Variants in CCNB1IP1 observed in about 807,000 individuals in gnomAD.
The protein encoded by CCNB1IP1 is E3 ubiquitin-protein ligase CCNB1IP1.
Under a neutral mutation model 25.6 loss-of-function variants are expected in CCNB1IP1, and 14 were observed. The observed-to-expected ratio is 0.55, with a 90% CI of 0.36 to 0.85. The LOEUF is 0.85. Ranked by LOEUF, CCNB1IP1 falls within the 40% of genes least tolerant of loss-of-function variation. CCNB1IP1 has a pLI of 0.01. For synonymous variants in CCNB1IP1, 119 were observed against 116.1 expected, an observed-to-expected ratio of 1.02 and a Z score of -0.16; for missense variants, 278 against 342.4, an observed-to-expected ratio of 0.81 and a Z score of 1.48.
intron 1 of CCNB1IP1, chr14:20,330,614 CTT>C (rs1883207406): frequency 6.6e-6 from 1 of 150,850 alleles, no homozygotes; most frequent in African/African-American, 2.4e-5. Context: ...TTTTTTCACT[CTT>C]GTTGCCCAGA....
intron 2 of CCNB1IP1, among the ~76,000 whole-genome samples, chr14:20,327,310 T>G (rs1271947779): frequency 4.6e-5 from 7 of 152,066 alleles, no homozygotes; most frequent in Admixed American, 4.6e-4. Flanking sequence ...AATAGTCAGT[T>G]TTTTCAAAGC....
At chr14:20,326,455 G>A (rs1249364391) in intron 3 of CCNB1IP1, 2 of 534,590 alleles carry the variant, frequency 3.7e-6, no homozygotes, top group Non-Finnish European at 7.7e-6. Flanking sequence ...GCTTTAGTCT[G>A]CTCAGAGCAT....
At chr14:20,313,393 T>C (rs1882567096) in intron 6 of CCNB1IP1, 75 bp downstream of exon 6, 5 of 1,179,612 alleles carry the variant, frequency 4.2e-6, no homozygotes, top group Non-Finnish European at 6.0e-6. Context: ...CTCGACTGAA[T>C]GCTTGGAAGT....
At chr14:20,323,917 CA>C (rs59156707) in intron 4 of CCNB1IP1, among the ~76,000 whole-genome samples, 5,489 of 73,566 alleles carry the variant, frequency 0.075, 70 homozygotes, top group African/African-American at 0.18. Context: ...GACTCCGTCT[CA>C]AAAAAAAAAA....
At chr14:20,311,945 T>C (rs980057897) in intron 6 of CCNB1IP1, among the ~76,000 whole-genome samples, 193 bp from the exon 7 acceptor site, 3 of 152,090 alleles carry the variant, frequency 2.0e-5, no homozygotes, top group African/African-American at 7.2e-5. Flanking sequence ...ATAAACATTC[T>C]AGAAAAAATA....
intron 1 of CCNB1IP1, chr14:20,332,851 T>C (rs923939380): frequency 6.6e-5 from 10 of 152,168 alleles, no homozygotes; most frequent in Non-Finnish European, 1.3e-4. Context: ...CACCGGAGAA[T>C]TAAACTCTAC....
chr14:20,332,024 A>ATTTTTTTTTTTTTT (rs1262694211), intron 1 of CCNB1IP1, among the ~76,000 whole-genome samples: 2 of 50,204 alleles, frequency 4.0e-5, no homozygotes, highest in African/African-American at 9.6e-5. Context: ...ATATATATAT[A>ATTTTTTTTTTTTTT]TATTTTTTTT....
intron 2 of CCNB1IP1, among the ~76,000 whole-genome samples, chr14:20,328,331 C>A (rs1883138414): frequency 6.6e-6 from 1 of 152,172 alleles, no homozygotes; most frequent in Admixed American, 6.5e-5. Context: ...AATGCAGTGA[C>A]ATGCTAGCTC....
At chr14:20,318,051 C>A (rs1441138942) in intron 4 of CCNB1IP1, 1 of 152,248 alleles carries the variant, frequency 6.6e-6, no homozygotes, top group African/African-American at 2.4e-5. Context: ...TTGAGGTAGT[C>A]CACCATTTTA....
chr14:20,315,786 G>T, intron 5 of CCNB1IP1: 1 of 1,262,300 alleles, frequency 7.9e-7, no homozygotes. Context: ...CATACCAAGT[G>T]AAGCACAGGC....
At chr14:20,321,501 G>GGA (rs1194396497) in intron 4 of CCNB1IP1, among the ~76,000 whole-genome samples, 2 of 150,958 alleles carry the variant, frequency 1.3e-5, no homozygotes, top group African/African-American at 4.9e-5. Flanking sequence ...CACCCATGCT[G>GGA]GAGTGCAGTG....
chr14:20,326,423 C>T, intron 3 of CCNB1IP1: 1 of 523,352 alleles, frequency 1.9e-6, no homozygotes, highest in South Asian at 1.4e-5. Flanking sequence ...AAGCAGAATT[C>T]AATTGCAGGT....
At chr14:20,322,459 T>G (rs1319063674) in intron 4 of CCNB1IP1, among the ~76,000 whole-genome samples, 1 of 152,092 alleles carries the variant, frequency 6.6e-6, no homozygotes, top group Non-Finnish European at 1.5e-5. Context: ...GATCTAAGAA[T>G]AACAGAAGAA....
At chr14:20,312,386 C>CTT (rs1009860978) in intron 6 of CCNB1IP1, among the ~76,000 whole-genome samples, 1 of 147,266 alleles carries the variant, frequency 6.8e-6, no homozygotes, top group Non-Finnish European at 1.5e-5. Flanking sequence ...TGCCCCCCAC[C>CTT]TTTTTTTTTT....
intron 4 of CCNB1IP1, chr14:20,320,349 C>T (rs542698317): frequency 7.5e-5 from 34 of 455,946 alleles, no homozygotes; most frequent in African/African-American, 6.2e-4. Context: ...AACATTCCAA[C>T]AACTTCAGTA....
At chr14:20,326,537 G>A in intron 3 of CCNB1IP1, 179 bp downstream of exon 3, 1 of 534,524 alleles carries the variant, frequency 1.9e-6, no homozygotes, top group Non-Finnish European at 3.8e-6. Flanking sequence ...GTAAATGACT[G>A]AGGAAGGGCA....
chr14:20,311,528 GGTGC>G lies in CCNB1IP1; in HGVS notation c.*18_*21del. ...AACCTCCTAAGTAGCTGGGATCACA[GGTGC>G]GTGACACTATGCGTGGCTCAAATTC... is the stretch of plus-strand genomic sequence containing the variant. On this transcript the variant is annotated 3_prime_UTR_variant, in exon 7 of 7. Transcript: ENST00000358932. The G allele has an allele frequency of 6.2e-7, 1 of 1,602,176 alleles. No individual in the cohort carries two copies. The highest frequency in any genetic ancestry group is 8.5e-7 in the Non-Finnish European group (1 of 1,170,970).
chr14:20,315,973 A>T (rs1882679871), intron 5 of CCNB1IP1: 3 of 468,154 alleles, frequency 6.4e-6, no homozygotes, highest in African/African-American at 3.9e-5. Flanking sequence ...AGAGAGAGAG[A>T]GTGTGTGAGT....
At position 20,311,788 on chromosome 14, in the gene CCNB1IP1, C is replaced by A. The variant is rs751489023; in HGVS notation, c.632-36G>T. On this transcript the variant is annotated intron_variant, in intron 6 of 6. Transcript: ENST00000358932. Reference sequence around the variant, plus strand: ...AAAAAAGGAAAAACATAATTTTATTCATTTGTTATCTATATAATCTACTTC... The same window carrying A: ...AAAAAAGGAAAAACATAATTTTATTAATTTGTTATCTATATAATCTACTTC... 11 of 1,403,562 alleles carry A rather than the reference C, an allele frequency of 7.8e-6. No individual in the cohort carries two copies. In the South Asian group the frequency reaches 1.2e-4, roughly 15 times the overall value. The allele number at this position is 1,403,562 out of a possible 1,614,324, so 86.9% of individuals were successfully genotyped here. A position where few individuals can be genotyped will look rare whatever the true frequency, so the allele number is the denominator to read the frequency against.
Sources: gnomAD v4.1 joint callset for allele counts (sites outside exome capture counted in the v4.1 genomes callset) on GRCh38, gnomAD v4.1.1 for gene constraint, MANE v1.5 for transcripts, NCBI Gene and HGNC (gene_info 2026-07-23, HGNC 2026-07-21) for gene names.